The following CYB561 variants were observed in gnomAD, a reference collection of about 807,000 sequenced individuals.
CYB561 encodes the protein transmembrane ascorbate-dependent reductase CYB561.
Under a neutral mutation model 25.3 loss-of-function variants are expected in CYB561, and 11 were observed. That is an observed-to-expected ratio of 0.44 (90% confidence interval 0.27 to 0.72). The LOEUF is 0.72. CYB561 is among the 30% of genes least tolerant of loss of function. The pLI, the probability that CYB561 is intolerant of heterozygous loss-of-function variation, is 0.18. For missense variants in CYB561, 295 were observed against 334.9 expected (o/e 0.88, Z 0.93); for synonymous variants, 165 against 158.8 (o/e 1.04, Z -0.29).
chr17:63,435,609 G>A, intron 4 of CYB561, 79 bp downstream of exon 4: 1 of 1,133,222 alleles, frequency 8.8e-7, no homozygotes, highest in Non-Finnish European at 1.3e-6. Context: ...CTTCCATGAG[G>A]TACATTTCAG....
intron 1 of CYB561, among the ~76,000 whole-genome samples, chr17:63,441,804 C>T (rs899958166): frequency 4.5e-4 from 68 of 152,238 alleles, no homozygotes; most frequent in Admixed American, 4.3e-3. Context: ...GCTGCTTTGA[C>T]GCAGGGGAAG....
chr17:63,433,366 G>GCAGA lies in CYB561; in HGVS notation c.*1032_*1035dup, dbSNP rs1171426772. 1.0e-5 allele frequency: 4 copies of GCAGA among 398,554 alleles called. No homozygotes were observed. The highest frequency in any genetic ancestry group is 6.2e-5 in the African/African-American group (3 of 48,584). The allele number at this position is 398,554 out of a possible 1,614,324, so 24.7% of individuals were successfully genotyped here. A position where few individuals can be genotyped will look rare whatever the true frequency, so the allele number is the denominator to read the frequency against. On this transcript the variant is annotated 3_prime_UTR_variant, in exon 6 of 6. Transcript: ENST00000360793. ...ACTCTTTATGGGGCTGGAGTGATGT[G>GCAGA]CAGACACCACGGGGGATGACTGTAG...
upstream of CYB561, chr17:63,446,367 G>A (rs1235104436): frequency 6.6e-6 from 1 of 151,932 alleles, no homozygotes; most frequent in Non-Finnish European, 1.5e-5. Context: ...CGGTGTCTCC[G>A]GGACCGGAAG....
Position 63,435,281 on chromosome 17 carries a change from C to A in CYB561, c.406-38G>T, listed in dbSNP as rs373583486. On this transcript the variant is annotated intron_variant, in intron 4 of 5. Transcript: ENST00000360793. ...AGGAGACGGTTCCGGGACAGGGCGG[C>A]CGGACACCCCAGCAGCCGAGGTCGG... The A allele has an allele frequency of 2.3e-5, 37 of 1,601,726 alleles. No individual in the cohort carries two copies. The Middle Eastern group carries it at 5.1e-4, about 22-fold the overall frequency.
rs2049258157 is a variant in CYB561 at position 63,433,564 on chromosome 17, T to A, written c.*838A>T. ...GGTTTGTGCCCTCTGCCTCCCAGCC[T>A]GAGCAGAGCCTGGGTGAGCCTGGGA... On this transcript the variant is annotated 3_prime_UTR_variant, in exon 6 of 6. Transcript: ENST00000360793. The A allele has an allele frequency of 2.6e-6, 1 of 387,752 alleles. No individual in the cohort carries two copies. The highest frequency in any genetic ancestry group is 3.6e-5 in the East Asian group (1 of 27,458). 24.0% of individuals were successfully genotyped at this position (387,752 alleles called of 1,614,324 possible). A position where few individuals can be genotyped will look rare whatever the true frequency, so the allele number is the denominator to read the frequency against.
Position 63,436,243 on chromosome 17 carries a change from G to C in CYB561, c.203-91C>G. On this transcript the variant is annotated intron_variant, in intron 2 of 5. Coordinates refer to ENST00000360793, the MANE Select transcript of CYB561 (RefSeq NM_001915.4). The surrounding 1 kb of genome is among the most constrained non-coding windows in gnomAD (Gnocchi z 4.8). ...CAAGGAGGCACCTTGGTGGAGAGGT[G>C]ATGTGAGCTGACGGCTTGTAACAGG... 6.8e-7 allele frequency: 1 copy of C among 1,471,498 alleles called. No individual in the cohort carries two copies. Among genetic ancestry groups the C allele is most frequent in the Non-Finnish European group, 9.3e-7 (1 of 1,078,352 alleles). The allele number at this position is 1,471,498 out of a possible 1,614,324, so 91.2% of individuals were successfully genotyped here. A position where few individuals can be genotyped will look rare whatever the true frequency, so the allele number is the denominator to read the frequency against.
chr17:63,438,444 G>T, intron 1 of CYB561: 1 of 485,320 alleles, frequency 2.1e-6, no homozygotes, highest in African/African-American at 2.3e-5. Flanking sequence ...AGCCAGCCCC[G>T]CTCCCCCCAC....
At position 63,436,276 on chromosome 17, in the gene CYB561, C is replaced by A; in HGVS notation, c.203-124G>T. On this transcript the variant is annotated intron_variant, in intron 2 of 5. Coordinates refer to ENST00000360793, the MANE Select transcript of CYB561 (RefSeq NM_001915.4). The surrounding 1 kb of genome is among the most constrained non-coding windows in gnomAD (Gnocchi z 4.8). The stretch of plus-strand genomic sequence containing the variant: ...CTGACGGCTTGTAACAGGAGCCTAG[C>A]TGCAGGAACCGGAGGAGAAAGCCAG... The A allele has an allele frequency of 8.1e-7, 1 of 1,235,276 alleles. No homozygotes were observed. The highest frequency in any genetic ancestry group is 1.1e-6 in the Non-Finnish European group (1 of 895,498). 76.5% of individuals were successfully genotyped at this position (1,235,276 alleles called of 1,614,324 possible).
At chr17:63,438,531 A>T (rs2049341307) in intron 1 of CYB561, among the ~76,000 whole-genome samples, 2 of 147,652 alleles carry the variant, frequency 1.4e-5, no homozygotes, top group South Asian at 4.4e-4. Flanking sequence ...TGCTGCACAC[A>T]GGGACCTGTC....
upstream of CYB561, among the ~76,000 whole-genome samples, chr17:63,446,616 C>A (rs549457265): frequency 6.6e-6 from 1 of 152,254 alleles, no homozygotes; most frequent in African/African-American, 2.4e-5. Context: ...CGGGATTCGT[C>A]CTTGCGAGCC....
Position 63,434,385 on chromosome 17 carries a change from A to T in CYB561, c.*17T>A. ...GCAAGAAGACACCCCGCGAACCCCCAGGGCCGGCCGGGCGCATCACTGGGA... is the reference window on the plus strand; with the variant it reads ...GCAAGAAGACACCCCGCGAACCCCCTGGGCCGGCCGGGCGCATCACTGGGA... On this transcript the variant is annotated 3_prime_UTR_variant, in exon 6 of 6. Transcript: ENST00000360793. 2 of 1,536,236 alleles carry T rather than the reference A, an allele frequency of 1.3e-6. No individual in the cohort carries two copies. The highest frequency in any genetic ancestry group is 1.8e-6 in the Non-Finnish European group (2 of 1,136,318).
chr17:63,440,462 AG>A (rs2049363676), intron 1 of CYB561, among the ~76,000 whole-genome samples: 1 of 152,196 alleles, frequency 6.6e-6, no homozygotes, highest in South Asian at 2.1e-4. Context: ...CCAGGGACAA[AG>A]CCAGCTCCCA....
Position 63,434,613 on chromosome 17 carries a change from G to A in CYB561, c.564-19C>T. 1 of 1,595,276 alleles carries A rather than the reference G, an allele frequency of 6.3e-7. No individual in the cohort carries two copies. The highest frequency in any genetic ancestry group is 8.5e-7 in the Non-Finnish European group (1 of 1,172,702). On this transcript the variant is annotated intron_variant, in intron 5 of 5. Transcript: ENST00000360793. ...CTTGCCCCTGCAGGGGTGAGAGGAA[G>A]GGAGAAGCTGCCCAAGGGGTCACAA...
At chr17:63,438,468 C>T (rs1326949411) in intron 1 of CYB561, among the ~76,000 whole-genome samples, 4 of 151,018 alleles carry the variant, frequency 2.6e-5, no homozygotes, top group African/African-American at 9.8e-5. Flanking sequence ...CCCGCCCGCC[C>T]CCCACCCCGC....
intron 1 of CYB561, chr17:63,437,949 GGC>G: frequency 1.2e-6 from 1 of 851,948 alleles, no homozygotes; most frequent in Non-Finnish European, 1.7e-6. Context: ...CCTGAGATGC[GGC>G]GCGGCTCCTC....
chr17:63,433,731 T>A lies in CYB561; in HGVS notation c.*671A>T. 1 of 251,438 alleles carries A rather than the reference T, an allele frequency of 4.0e-6. No homozygotes were observed. Among genetic ancestry groups the A allele is most frequent in the Non-Finnish European group, 7.5e-6 (1 of 133,798 alleles). The allele number at this position is 251,438 out of a possible 1,614,324, so 15.6% of individuals were successfully genotyped here. ...CCCGCCTGCATCTGCCAAGAGAAAG[T>A]CTGTCTGAAGTCATGGGCTTCTATC... On this transcript the variant is annotated 3_prime_UTR_variant, in exon 6 of 6. Coordinates refer to ENST00000360793, the MANE Select transcript of CYB561 (RefSeq NM_001915.4).
At chr17:63,438,151 C>T (rs1221010261) in intron 1 of CYB561, 7 of 1,535,492 alleles carry the variant, frequency 4.6e-6, no homozygotes, top group Non-Finnish European at 6.1e-6. Flanking sequence ...GTTCCATATG[C>T]GGTGAGGGTG....
intron 5 of CYB561, 119 bp from the exon 6 acceptor site, chr17:63,434,713 C>A: frequency 1.1e-6 from 1 of 883,924 alleles, no homozygotes; most frequent in East Asian, 2.7e-5. Context: ...TGCCTCCCTG[C>A]CCTGCCTGAA....
At chr17:63,438,108 G>A (rs1467143389) in intron 1 of CYB561, 1 of 1,534,542 alleles carries the variant, frequency 6.5e-7, no homozygotes, top group Non-Finnish European at 8.7e-7. Flanking sequence ...CCTCCCCACG[G>A]GGACAGGCGT....
Sources: allele counts gnomAD v4.1 joint callset (sites outside exome capture counted in the v4.1 genomes callset), GRCh38; gene constraint gnomAD v4.1.1; non-coding constraint Gnocchi (gnomAD v3.1); transcripts MANE v1.5; gene names NCBI Gene and HGNC (gene_info 2026-07-23, HGNC 2026-07-21).